SEMA4D: variants seen among roughly 807,000 people sequenced by gnomAD.
The protein encoded by SEMA4D is semaphorin-4D.
In SEMA4D, 22 loss-of-function variants were observed where a neutral mutation model predicts 74.8. That is an observed-to-expected ratio of 0.29 (90% CI 0.21 to 0.42). SEMA4D has a LOEUF of 0.42. Among genes scored for constraint, SEMA4D ranks in the 10% least tolerant of loss-of-function variants. The pLI is 1.00. For missense variants in SEMA4D, 937 were observed against 1,118.4 expected, an observed-to-expected ratio of 0.84 and a Z score of 2.31; for synonymous variants, 445 against 463.7, an observed-to-expected ratio of 0.96 and a Z score of 0.52.
At chr9:89,422,659 G>A (rs1035503117) in intron 2 of SEMA4D, among the ~76,000 whole-genome samples, 4 of 152,132 alleles carry the variant, frequency 2.6e-5, no homozygotes, top group African/African-American at 7.2e-5. Flanking sequence ...TCATAATGTG[G>A]GACATTCCGA....
At chr9:89,450,945 C>T (rs148970485) in intron 2 of SEMA4D, among the ~76,000 whole-genome samples, 2,450 of 152,170 alleles carry the variant, frequency 0.016, 71 homozygotes, top group African/African-American at 0.055. Flanking sequence ...TCTTGGGAGG[C>T]GAGGCTTCCC....
Position 89,377,652 on chromosome 9 carries a change from TG to T in SEMA4D, c.*1051del, listed in dbSNP as rs1476989123. ...CTGGATAGAAAGTCTGGGCAGGCAGTGGGTAAGCAATTGAAGCAAGAAGAGA... is the reference window on the plus strand; with the variant it reads ...CTGGATAGAAAGTCTGGGCAGGCAGTGGTAAGCAATTGAAGCAAGAAGAGA... On this transcript the variant is annotated 3_prime_UTR_variant, in exon 16 of 16. Transcript: ENST00000422704. 1.3e-5 allele frequency: 2 copies of T among 151,880 alleles called. No homozygotes were observed. The highest frequency in any genetic ancestry group is 4.8e-5 in the African/African-American group (2 of 41,310). The allele number at this position is 151,880 out of a possible 1,614,324, so 9.4% of individuals were successfully genotyped here.
intron 2 of SEMA4D, among the ~76,000 whole-genome samples, chr9:89,414,734 C>CCAA (rs1845329752): frequency 6.6e-6 from 1 of 152,132 alleles, no homozygotes; most frequent in Non-Finnish European, 1.5e-5. Flanking sequence ...TCCCTGGAGA[C>CCAA]CAACACTCCA....
intron 2 of SEMA4D, among the ~76,000 whole-genome samples, chr9:89,408,971 C>T (rs977274996): frequency 1.7e-4 from 26 of 152,342 alleles, no homozygotes; most frequent in Admixed American, 3.9e-4. Context: ...GCTCTGAAGA[C>T]GGATGCGGAG....
Position 89,381,360 on chromosome 9 carries a change from A to T in SEMA4D, c.1447-14T>A. 1 of 1,457,576 alleles carries T rather than the reference A, an allele frequency of 6.9e-7. No individual in the cohort carries two copies. The highest frequency in any genetic ancestry group is 9.1e-7 in the Non-Finnish European group (1 of 1,101,014). The allele number at this position is 1,457,576 out of a possible 1,614,324, so 90.3% of individuals were successfully genotyped here. A position where few individuals can be genotyped will look rare whatever the true frequency, so the allele number is the denominator to read the frequency against. ...AAACCTGTTGCCCTGCGTGTATGAG[A>T]CAGAGAAGAACTAGCATCAGGCAAG... On this transcript the variant is annotated splice_polypyrimidine_tract_variant and intron_variant, in intron 13 of 15. Transcript: ENST00000422704. The surrounding 1 kb of genome is among the most constrained non-coding windows in gnomAD (Gnocchi z 4.6).
intron 16 of SEMA4D, among the ~76,000 whole-genome samples, chr9:89,366,917 A>C (rs1464136241): frequency 6.6e-6 from 1 of 152,176 alleles, no homozygotes; most frequent in Non-Finnish European, 1.5e-5. Flanking sequence ...CTTGAGACTA[A>C]GAATCTGGGT....
chr9:89,447,544 T>C (rs1853222037), intron 2 of SEMA4D, among the ~76,000 whole-genome samples: 1 of 151,790 alleles, frequency 6.6e-6, no homozygotes, highest in Non-Finnish European at 1.5e-5. Context: ...TGGCAGCAAG[T>C]CCTCTGGGTC....
Position 89,384,504 on chromosome 9 carries a change from T to C in SEMA4D, c.1446+1863A>G, listed in dbSNP as rs368554199. The C allele has an allele frequency of 5.7e-5, 16 of 282,124 alleles. No homozygotes were observed. The East Asian group carries it at 1.6e-3, about 28-fold the overall frequency. 17.5% of individuals were successfully genotyped at this position (282,124 alleles called of 1,614,324 possible). A position where few individuals can be genotyped will look rare whatever the true frequency, so the allele number is the denominator to read the frequency against. ...GGAGGGGAAAATGAAGAGTTTGTATTTCACAGGTAAAAAGCTTCTGTTTGG... is the reference window on the plus strand; with the variant it reads ...GGAGGGGAAAATGAAGAGTTTGTATCTCACAGGTAAAAAGCTTCTGTTTGG... On this transcript the variant is annotated intron_variant, in intron 13 of 15. Coordinates refer to ENST00000422704, the MANE Select transcript of SEMA4D (RefSeq NM_001371194.2).
intron 13 of SEMA4D, among the ~76,000 whole-genome samples, chr9:89,382,141 C>T (rs552828677): frequency 5.6e-4 from 86 of 152,300 alleles, no homozygotes; most frequent in African/African-American, 1.9e-3. Context: ...GTGCCCAGCA[C>T]ACAGGCATCC....
chr9:89,398,356 A>G (rs1256781579), intron 5 of SEMA4D, among the ~76,000 whole-genome samples: 1 of 152,174 alleles, frequency 6.6e-6, no homozygotes, highest in Non-Finnish European at 1.5e-5. Flanking sequence ...AGCCGGCCAG[A>G]GCTGGCCAGA....
At chr9:89,387,744 G>C (rs750200857) in intron 11 of SEMA4D, 136 bp from the exon 12 acceptor site, 2 of 693,486 alleles carry the variant, frequency 2.9e-6, no homozygotes, top group Non-Finnish European at 5.0e-6. Flanking sequence ...GAGGGTAGCA[G>C]TGAATAACTT....
At chr9:89,495,261 C>T (rs1013472179) in intron 1 of SEMA4D, among the ~76,000 whole-genome samples, 1 of 152,168 alleles carries the variant, frequency 6.6e-6, no homozygotes, top group Admixed American at 6.5e-5. Flanking sequence ...CAAATTCGCT[C>T]AGGGAGGGTC....
At chr9:89,436,749 C>T (rs548511317) in intron 2 of SEMA4D, among the ~76,000 whole-genome samples, 10 of 152,320 alleles carry the variant, frequency 6.6e-5, no homozygotes, top group Admixed American at 5.9e-4. Context: ...TGGGGGGTTG[C>T]GGCCCAGCAC....
chr9:89,464,590 C>T (rs1858181027), intron 1 of SEMA4D, among the ~76,000 whole-genome samples: 1 of 152,208 alleles, frequency 6.6e-6, no homozygotes, highest in Admixed American at 6.5e-5. Flanking sequence ...ATCATGGGAA[C>T]AAAGAAGAGG....
chr9:89,387,051 G>A (rs568266454), intron 12 of SEMA4D: 10 of 256,392 alleles, frequency 3.9e-5, no homozygotes, highest in South Asian at 8.0e-5. Context: ...CCAGGCTGAC[G>A]CCTCCTCCCA....
chr9:89,472,757 T>A (rs901227722), intron 1 of SEMA4D: 1 of 155,628 alleles, frequency 6.4e-6, no homozygotes, highest in Non-Finnish European at 1.4e-5. Context: ...AGTCTTCATT[T>A]CCCACAGTAG....
chr9:89,416,272 G>A (rs773116529), intron 2 of SEMA4D, among the ~76,000 whole-genome samples: 1 of 152,178 alleles, frequency 6.6e-6, no homozygotes, highest in South Asian at 2.1e-4. Flanking sequence ...AGCTACAGGC[G>A]TGCAAAGCGA....
intron 2 of SEMA4D, among the ~76,000 whole-genome samples, chr9:89,420,703 G>GA (rs1347198681): frequency 6.6e-6 from 1 of 152,258 alleles, no homozygotes; most frequent in Non-Finnish European, 1.5e-5. Context: ...CAAGTGGGAT[G>GA]AAGCAAGAGC....
rs369777560 is a variant in SEMA4D at position 89,379,517 on chromosome 9, G to A, written c.1776C>T (p.Gly592=). ...LARVFWKFQN[G]VLKAESPKYG... ...ACTTGGGGCTCTCGGCCTTCAACAC[G>A]CCATTCTGGAACTTCCAAAAGACCC... Residue 592 remains glycine, a synonymous_variant, in exon 16 of 16, where the codon GGC becomes GGT. Coordinates refer to ENST00000422704, the MANE Select transcript of SEMA4D (RefSeq NM_001371194.2). The A allele has an allele frequency of 8.7e-6, 14 of 1,613,888 alleles. No homozygotes were observed. Among genetic ancestry groups the A allele is most frequent in the African/African-American group, 6.7e-5 (5 of 74,866 alleles).
Sources: gnomAD v4.1 joint callset for allele counts (sites outside exome capture counted in the v4.1 genomes callset) on GRCh38, gnomAD v4.1.1 for gene constraint, Gnocchi (gnomAD v3.1) non-coding constraint, MANE v1.5 for transcripts, NCBI Gene and HGNC (gene_info 2026-07-23, HGNC 2026-07-21) for gene names.